CCDC158: variants seen among roughly 807,000 people sequenced by gnomAD.
The protein encoded by CCDC158 is coiled-coil domain containing 158.
Under a neutral mutation model 138.6 loss-of-function variants are expected in CCDC158, and 116 were observed. That is an observed-to-expected ratio of 0.84 (90% confidence interval 0.72 to 0.98). CCDC158 has a LOEUF of 0.98. Among genes scored for constraint, CCDC158 ranks in the 50% least tolerant of loss-of-function variants. The probability of loss-of-function intolerance (pLI) is 0.00; values close to 1 mark genes in which losing one functional copy is unlikely to be tolerated. For synonymous variants in CCDC158, 436 were observed against 442.4 expected, an observed-to-expected ratio of 0.99 and a Z score of 0.18; for missense variants, 1,265 against 1,306.1, an observed-to-expected ratio of 0.97 and a Z score of 0.48.
intron 21 of CCDC158, 51 bp from the exon 22 acceptor site, chr4:76,329,018 C>T (rs1256009968): frequency 7.0e-7 from 1 of 1,421,940 alleles, no homozygotes; most frequent in Admixed American, 1.7e-5. Context: ...AAACACAGTA[C>T]TAAGATTCAT....
At chr4:76,384,038 C>T (rs1726533839) in intron 6 of CCDC158, 50 bp downstream of exon 6, 1 of 1,262,766 alleles carries the variant, frequency 7.9e-7, no homozygotes, top group South Asian at 1.4e-5. Context: ...ATGCTATTCT[C>T]TTAATGCATT....
At chr4:76,383,558 C>A in intron 7 of CCDC158, 104 bp downstream of exon 7, 1 of 771,026 alleles carries the variant, frequency 1.3e-6, no homozygotes, top group South Asian at 1.6e-5. Context: ...TATAAAAAAA[C>A]TTATGTGTTT....
intron 12 of CCDC158, among the ~76,000 whole-genome samples, chr4:76,365,049 A>G (rs1410200129): frequency 6.6e-6 from 1 of 152,240 alleles, no homozygotes; most frequent in African/African-American, 2.4e-5. Flanking sequence ...AGGCATCACA[A>G]CACACATAGG....
rs137936014 is a variant in CCDC158 at position 76,365,721 on chromosome 4, T to C, written c.1830+1573A>G. On this transcript the variant is annotated intron_variant, in intron 12 of 24. Transcript: ENST00000682701. ...TTTGAGGCACTAACACAGATCCTGATGGATGCTCTCAGGACCAGCAGTATC... is the reference window on the plus strand; with the variant it reads ...TTTGAGGCACTAACACAGATCCTGACGGATGCTCTCAGGACCAGCAGTATC... 2.0e-4 allele frequency among the ~76,000 whole-genome samples: 30 copies of C among 152,312 alleles called. No individual in the cohort carries two copies. In the East Asian group the frequency reaches 5.8e-3, roughly 29 times the overall value.
At chr4:76,314,347 T>C (rs1719172076) in intron 24 of CCDC158, among the ~76,000 whole-genome samples, 1 of 152,164 alleles carries the variant, frequency 6.6e-6, no homozygotes, top group Admixed American at 6.5e-5. Context: ...AAACTCACAA[T>C]AGATGTGGAG....
Position 76,334,057 on chromosome 4 carries a change from C to T in CCDC158, c.2775G>A (p.Lys925=), listed in dbSNP as rs113022439. ...GAGATGTTCTTCCATCTTCCTCTGT[C>T]TTGCTCAGAGACACAGCTGGCTCCT... ...INEEPAVSLS[K]TEEDGRTSLG... Residue 925 remains lysine (K), a synonymous_variant, in exon 19 of 25, where the codon AAG becomes AAA. Transcript: ENST00000682701. The T allele has an allele frequency of 0.029, 47,112 of 1,613,716 alleles. 849 individuals carry two copies. Among genetic ancestry groups the T allele is most frequent in the Non-Finnish European group, 0.036 (41,942 of 1,179,672 alleles).
chr4:76,360,183 A>G lies in CCDC158; in HGVS notation c.2020+1943T>C, dbSNP rs1229276163. Among the ~76,000 whole-genome samples, 36 of 152,218 alleles carry G rather than the reference A, an allele frequency of 2.4e-4. 1 individual carries two copies. Among genetic ancestry groups the G allele is most frequent in the Non-Finnish European group, 2.9e-5 (2 of 68,028 alleles). The stretch of plus-strand genomic sequence containing the variant: ...TGATGTTGGGGCTGTGGGTGCACAG[A>G]GGGCAAGAGTTGAGGCTTGGGAGCC... On this transcript the variant is annotated intron_variant, in intron 13 of 24. Transcript: ENST00000682701.
intron 4 of CCDC158, among the ~76,000 whole-genome samples, chr4:76,395,738 G>A (rs1363499772): frequency 2.6e-5 from 4 of 152,198 alleles, no homozygotes; most frequent in Non-Finnish European, 5.9e-5. Flanking sequence ...GTATGTGGCA[G>A]TAATGAGTTT....
chr4:76,324,166 G>C (rs1473879748), intron 23 of CCDC158, among the ~76,000 whole-genome samples: 1 of 151,656 alleles, frequency 6.6e-6, no homozygotes, highest in Non-Finnish European at 1.5e-5. Flanking sequence ...TCCAGTTTAA[G>C]AGAATGAGAA....
rs555079514 is a variant in CCDC158 at position 76,415,965 on chromosome 4, A to C, written c.-116-3833T>G. 2.1e-3 allele frequency among the ~76,000 whole-genome samples: 314 copies of C among 152,340 alleles called. 1 individual carries two copies. The highest frequency in any genetic ancestry group is 3.4e-3 in the Non-Finnish European group (231 of 68,030). On this transcript the variant is annotated intron_variant, in intron 1 of 24. Transcript: ENST00000682701. ...TGGAGGGCCTGACAGGCCCGCCTGC[A>C]GTTATCCAGAGGCCTAACCGTCTCC...
intron 17 of CCDC158, 142 bp downstream of exon 17, chr4:76,351,578 T>C: frequency 3.2e-6 from 2 of 618,716 alleles, no homozygotes; most frequent in African/African-American, 1.8e-5. Flanking sequence ...TATAACAATG[T>C]ACACATCTTA....
At chr4:76,325,136 GA>G (rs964044130) in intron 23 of CCDC158, among the ~76,000 whole-genome samples, 15 of 152,174 alleles carry the variant, frequency 9.9e-5, no homozygotes, top group African/African-American at 3.6e-4. Context: ...CACAAGTACA[GA>G]AAAAAAGATG....
chr4:76,333,993 T>C lies in CCDC158; in HGVS notation c.2822+17A>G, dbSNP rs756730042. 6.5e-7 allele frequency: 1 copy of C among 1,549,368 alleles called. No homozygotes were observed. The highest frequency in any genetic ancestry group is 1.2e-5 in the South Asian group (1 of 80,768). The stretch of plus-strand genomic sequence containing the variant: ...TCAAGAGATGAGCTTTCCCATTCTG[T>C]GTGCACACAGCCTTACACAGCCACA... On this transcript the variant is annotated intron_variant, in intron 19 of 24. Transcript: ENST00000682701.
intron 16 of CCDC158, chr4:76,352,128 G>C (rs1240377740): frequency 5.5e-6 from 1 of 181,654 alleles, no homozygotes; most frequent in Non-Finnish European, 1.1e-5. Flanking sequence ...TAACTGGCTG[G>C]GCATGGTGGC....
chr4:76,323,463 T>C (rs1720233301), intron 23 of CCDC158, 54 bp from the exon 24 acceptor site: 2 of 1,339,238 alleles, frequency 1.5e-6, no homozygotes, highest in Non-Finnish European at 1.0e-6. Context: ...CATTTCCTTT[T>C]AGAAATCTTT....
intron 2 of CCDC158, 58 bp from the exon 3 acceptor site, chr4:76,403,338 A>T: frequency 1.9e-6 from 1 of 537,048 alleles, no homozygotes; most frequent in Non-Finnish European, 3.1e-6. Flanking sequence ...AAAAGTTCAT[A>T]GAAGAACAGG....
At position 76,352,010 on chromosome 4, in the gene CCDC158, C is replaced by G. The variant is rs1723091110; in HGVS notation, c.2446-198G>C. 7 of 458,554 alleles carry G rather than the reference C, an allele frequency of 1.5e-5. No individual in the cohort carries two copies. The South Asian group carries it at 3.0e-4, about 20-fold the overall frequency. The allele number at this position is 458,554 out of a possible 1,614,324, so 28.4% of individuals were successfully genotyped here. ...GGCCATGTTTTTATCCTCTATACCC[C>G]CAGCAAATACGTAACTTTTAGTATG... On this transcript the variant is annotated intron_variant, in intron 16 of 24. Coordinates refer to ENST00000682701, the MANE Select transcript of CCDC158 (RefSeq NM_001394954.1).
At chr4:76,410,158 T>C (rs1729179293) in intron 2 of CCDC158, among the ~76,000 whole-genome samples, 1 of 152,264 alleles carries the variant, frequency 6.6e-6, no homozygotes, top group Admixed American at 6.5e-5. Flanking sequence ...CTCCTGTGAC[T>C]ATCATAGAAT....
Position 76,345,646 on chromosome 4 carries a change from G to C in CCDC158, c.2664+5350C>G, listed in dbSNP as rs150729465. The C allele has an allele frequency of 4.2e-3, 3,275 of 783,868 alleles. 92 individuals are homozygous for C. The Admixed American group carries it at 0.05, about 12-fold the overall frequency. 48.6% of individuals were successfully genotyped at this position (783,868 alleles called of 1,614,324 possible). ...TGTGAAAGAAAGCCAAGCATCACTT[G>C]CACTTAAATCATTACCATGGAAGAT... On this transcript the variant is annotated intron_variant, in intron 18 of 24. Transcript: ENST00000682701.
Sources: allele counts gnomAD v4.1 joint callset (sites outside exome capture counted in the v4.1 genomes callset), GRCh38; gene constraint gnomAD v4.1.1; transcripts MANE v1.5; gene names NCBI Gene and HGNC (gene_info 2026-07-23, HGNC 2026-07-21).